Variants in MID1 observed in about 807,000 individuals in gnomAD.
MID1 encodes the protein midline 1, also known as E3 ubiquitin-protein ligase Midline-1.
In MID1, 7 loss-of-function variants were observed where a neutral mutation model predicts 40.4. The ratio of observed to expected loss-of-function variants is 0.17; its 90% CI spans 0.10 to 0.33. MID1 has a LOEUF of 0.33. Ranked by LOEUF, MID1 falls within the 10% of genes least tolerant of loss-of-function variation. The pLI is 1.00. For missense variants in MID1, 367 were observed against 558.5 expected, an observed-to-expected ratio of 0.66 and a Z score of 3.46; for synonymous variants, 229 against 221.2, an observed-to-expected ratio of 1.04 and a Z score of -0.31.
chrX:10,663,052 A>AT (rs1162111934), intron 1 of MID1, among the ~76,000 whole-genome samples: 1 of 111,800 alleles, frequency 8.9e-6, no homozygotes. Flanking sequence ...AATTAAAAGC[A>AT]TTTTGTGAGT....
chrX:10,515,136 G>T (rs1215258400), intron 3 of MID1, among the ~76,000 whole-genome samples: 1 of 112,371 alleles, frequency 8.9e-6, no homozygotes, highest in Admixed American at 9.4e-5. Context: ...TCTACGGAGA[G>T]AGAATGCTTT....
At chrX:10,594,634 T>C (rs1479995181) in intron 1 of MID1, among the ~76,000 whole-genome samples, 1 of 111,377 alleles carries the variant, frequency 9.0e-6, no homozygotes, top group Non-Finnish European at 1.9e-5. Context: ...TTCCAGCCCA[T>C]AGAAGCAGCA....
intron 1 of MID1, among the ~76,000 whole-genome samples, chrX:10,773,478 G>A (rs1362380019): frequency 8.9e-6 from 1 of 111,898 alleles, no homozygotes; most frequent in Non-Finnish European, 1.9e-5. Context: ...GCGCCTGTTT[G>A]GTTCCCAAGT....
chrX:10,489,756 C>T (rs1031362936), intron 4 of MID1, among the ~76,000 whole-genome samples: 11 of 103,441 alleles, frequency 1.1e-4, no homozygotes, highest in Non-Finnish European at 2.1e-4. Context: ...AGTGCAGTGG[C>T]GCAATCTCGG....
intron 1 of MID1, among the ~76,000 whole-genome samples, chrX:10,783,957 A>T (rs2147134260): frequency 9.0e-6 from 1 of 111,243 alleles, no homozygotes; most frequent in Non-Finnish European, 1.9e-5. Context: ...TTTCCCATCA[A>T]CTGGATGAAA....
At chrX:10,681,921 T>A (rs1010950111) in intron 1 of MID1, among the ~76,000 whole-genome samples, 47 of 112,345 alleles carry the variant, frequency 4.2e-4, no homozygotes, top group African/African-American at 1.5e-3. Context: ...AGACACTCAA[T>A]AAACATTTGT....
chrX:10,604,901 T>C (rs1460967689), intron 1 of MID1, among the ~76,000 whole-genome samples: 1 of 112,871 alleles, frequency 8.9e-6, no homozygotes, highest in African/African-American at 3.2e-5. Flanking sequence ...CAAAGACTTA[T>C]TCACAGAGTT....
chrX:10,490,583 C>T (rs765719731), intron 4 of MID1, among the ~76,000 whole-genome samples: 2 of 111,705 alleles, frequency 1.8e-5, no homozygotes, highest in South Asian at 7.5e-4. Context: ...TAATAAAACA[C>T]TGATGGATTA....
intron 1 of MID1, among the ~76,000 whole-genome samples, chrX:10,747,260 G>A (rs1318865052): frequency 8.9e-6 from 1 of 112,153 alleles, no homozygotes; most frequent in Admixed American, 9.5e-5. Context: ...ATGAGGATTA[G>A]CATGACAGTG....
chrX:10,685,879 C>T (rs960255679), intron 1 of MID1, among the ~76,000 whole-genome samples: 2 of 85,666 alleles, frequency 2.3e-5, no homozygotes, highest in Non-Finnish European at 5.1e-5. Flanking sequence ...CATACTCATA[C>T]ACACACACAC....
At chrX:10,457,110 A>ATGATTGAT (rs200735149) in intron 8 of MID1, among the ~76,000 whole-genome samples, 7 of 112,095 alleles carry the variant, frequency 6.2e-5, no homozygotes, top group South Asian at 7.6e-4. Context: ...TGGATTAAAA[A>ATGATTGAT]TGATTGATAG....
At chrX:10,762,715 G>C (rs1422826597) in intron 1 of MID1, among the ~76,000 whole-genome samples, 1 of 111,628 alleles carries the variant, frequency 9.0e-6, no homozygotes, top group Non-Finnish European at 1.9e-5. Context: ...GATTACAGGT[G>C]TGAGCCACTG....
At chrX:10,613,766 G>GAGAGAC (rs1555910257) in intron 1 of MID1, among the ~76,000 whole-genome samples, 51 of 75,732 alleles carry the variant, frequency 6.7e-4, no homozygotes, top group African/African-American at 1.2e-3. Flanking sequence ...GAGAGAGAGA[G>GAGAGAC]AGACAGACAG....
intron 1 of MID1, among the ~76,000 whole-genome samples, chrX:10,763,659 A>G (rs1427391950): frequency 8.9e-6 from 1 of 111,969 alleles, no homozygotes; most frequent in Non-Finnish European, 1.9e-5. Flanking sequence ...AGCATGATTT[A>G]TAATCCTTTG....
intron 1 of MID1, among the ~76,000 whole-genome samples, chrX:10,704,826 G>A (rs1438556889): frequency 3.8e-5 from 4 of 105,552 alleles, no homozygotes; most frequent in Non-Finnish European, 7.8e-5. Context: ...GTGCAGTGGC[G>A]CGATCTAGGC....
chrX:10,570,380 T>C (rs553565011), intron 1 of MID1, among the ~76,000 whole-genome samples: 23 of 112,456 alleles, frequency 2.0e-4, no homozygotes, highest in African/African-American at 7.1e-4. Context: ...TATTTTTCTT[T>C]ATAATATTTA....
In MID1 at chrX:10,775,997, T is replaced by C. The variant is rs750964714; in HGVS notation, c.-187+57557A>G. Among the ~76,000 whole-genome samples, 10 of 111,569 alleles carry C rather than the reference T, an allele frequency of 9.0e-5. No individual in the cohort carries two copies. In the East Asian group the frequency reaches 2.8e-3, roughly 31 times the overall value. ...AGAGATTGAATTCCTATAGGTACTA[T>C]CCAGATCATAAAAAGGTATTAAGGC... On this transcript the variant is annotated intron_variant, in intron 1 of 10. Transcript: ENST00000380785.
intron 3 of MID1, among the ~76,000 whole-genome samples, chrX:10,498,340 C>T (rs1042614501): frequency 3.6e-5 from 4 of 112,196 alleles, no homozygotes; most frequent in African/African-American, 9.7e-5. Context: ...CTCAAACTCC[C>T]GGGCTCAAGT....
intron 2 of MID1, among the ~76,000 whole-genome samples, chrX:10,553,273 T>A (rs191521773): frequency 0.12 from 12,165 of 104,027 alleles, 1,085 homozygotes; most frequent in African/African-American, 0.32. Context: ...ATAAAAAAAA[T>A]ATATATATAT....
Sources: gnomAD v4.1 joint callset for allele counts (sites outside exome capture counted in the v4.1 genomes callset) on GRCh38, gnomAD v4.1.1 for gene constraint, MANE v1.5 for transcripts, NCBI Gene and HGNC (gene_info 2026-07-23, HGNC 2026-07-21) for gene names.